The following SLFN12L variants were observed in gnomAD, a reference collection of about 807,000 sequenced individuals.
SLFN12L encodes schlafen family member 12-like.
A neutral mutation model predicts 34.8 loss-of-function variants in SLFN12L; 34 were observed. That is an observed-to-expected ratio of 0.98 (90% CI 0.74 to 1.30). SLFN12L has a LOEUF of 1.30. Among genes scored for constraint, SLFN12L ranks in the 50% most tolerant of loss-of-function variants. SLFN12L has a pLI of 0.00. For missense variants in SLFN12L, 703 were observed against 696.2 expected, an observed-to-expected ratio of 1.01 and a Z score of -0.11; for synonymous variants, 259 against 247.5, an observed-to-expected ratio of 1.05 and a Z score of -0.44.
chr17:35,531,685 C>T (rs558784367), intron 1 of SLFN12L, among the ~76,000 whole-genome samples: 67 of 152,230 alleles, frequency 4.4e-4, no homozygotes, highest in African/African-American at 1.4e-3. Flanking sequence ...GGCGCGATCT[C>T]GGTTCACTGC....
At chr17:35,477,378 A>G (rs1597829283) in intron 4 of SLFN12L, among the ~76,000 whole-genome samples, 1 of 152,328 alleles carries the variant, frequency 6.6e-6, no homozygotes, top group Non-Finnish European at 1.5e-5. Flanking sequence ...AGGATCTCTT[A>G]CACAAGGCAC....
intron 2 of SLFN12L, among the ~76,000 whole-genome samples, chr17:35,513,434 T>C (rs532495336): frequency 3.3e-5 from 5 of 152,218 alleles, no homozygotes; most frequent in Admixed American, 3.3e-4. Context: ...AAATGCCTAG[T>C]ACATAGGAAA....
chr17:35,481,846 GTTGT>G (rs1417416733), intron 2 of SLFN12L, among the ~76,000 whole-genome samples: 1 of 152,046 alleles, frequency 6.6e-6, no homozygotes, highest in Non-Finnish European at 1.5e-5. Flanking sequence ...TGTTTGTTTT[GTTGT>G]TTGTTTTTTG....
chr17:35,512,767 T>C (rs1915695401), intron 2 of SLFN12L, among the ~76,000 whole-genome samples: 2 of 152,250 alleles, frequency 1.3e-5, no homozygotes, highest in African/African-American at 2.4e-5. Context: ...CTTAATCAAC[T>C]GTGAAATGAA....
chr17:35,511,377 C>T (rs544518755), intron 2 of SLFN12L, among the ~76,000 whole-genome samples: 1 of 152,156 alleles, frequency 6.6e-6, no homozygotes, highest in Non-Finnish European at 1.5e-5. Context: ...AATAAACTTA[C>T]TCATGGGTAA....
chr17:35,521,941 G>C (rs1704369195), intron 2 of SLFN12L, among the ~76,000 whole-genome samples: 2 of 152,120 alleles, frequency 1.3e-5, no homozygotes, highest in Admixed American at 1.3e-4. Context: ...ACACAGGAAA[G>C]GGAACATCAC....
At chr17:35,524,133 A>G (rs755444938) in intron 1 of SLFN12L, among the ~76,000 whole-genome samples, 6 of 152,192 alleles carry the variant, frequency 3.9e-5, no homozygotes, top group East Asian at 1.9e-4. Context: ...CCAGGTGTTC[A>G]CACAACTTGA....
chr17:35,489,538 A>G (rs1914746691), intron 2 of SLFN12L, among the ~76,000 whole-genome samples: 1 of 152,126 alleles, frequency 6.6e-6, no homozygotes, highest in South Asian at 2.1e-4. Flanking sequence ...TGAGCGACAG[A>G]GTGAAACCCT....
chr17:35,484,454 A>G (rs1413332388), intron 2 of SLFN12L, among the ~76,000 whole-genome samples: 1 of 152,202 alleles, frequency 6.6e-6, no homozygotes, highest in Non-Finnish European at 1.5e-5. Context: ...AGCACGTTCC[A>G]TGTTCTGGAA....
chr17:35,482,207 G>C (rs1914370247), intron 2 of SLFN12L, among the ~76,000 whole-genome samples: 1 of 152,214 alleles, frequency 6.6e-6, no homozygotes, highest in Non-Finnish European at 1.5e-5. Context: ...GCTCTACCTT[G>C]AATGTTTGCA....
intron 1 of SLFN12L, among the ~76,000 whole-genome samples, chr17:35,524,836 C>A (rs2072318531): frequency 6.6e-6 from 1 of 152,042 alleles, no homozygotes; most frequent in Admixed American, 6.6e-5. Flanking sequence ...AGCAAGGGAA[C>A]AAAACTGGAC....
intron 2 of SLFN12L, among the ~76,000 whole-genome samples, chr17:35,495,621 C>T (rs1429953868): frequency 6.6e-6 from 1 of 152,118 alleles, no homozygotes; most frequent in East Asian, 1.9e-4. Context: ...TTTGGCTCTC[C>T]CCGGGGTGGG....
intron 2 of SLFN12L, among the ~76,000 whole-genome samples, chr17:35,488,514 G>A (rs548266293): frequency 1.3e-5 from 2 of 152,266 alleles, no homozygotes; most frequent in East Asian, 1.9e-4. Context: ...CGTTGCTTTC[G>A]TGGGGCCCTT....
At chr17:35,491,178 CG>C in intron 2 of SLFN12L, 1 of 887,872 alleles carries the variant, frequency 1.1e-6, no homozygotes, top group Non-Finnish European at 1.8e-6. Context: ...AAGGCATCAG[CG>C]ATCTCTTTGA....
chr17:35,487,922 T>G, intron 2 of SLFN12L: 1 of 724,706 alleles, frequency 1.4e-6, no homozygotes, highest in South Asian at 1.5e-5. Flanking sequence ...TGTCTGCGAA[T>G]CCAACGACGG....
chr17:35,537,060 T>G (rs2072469122), intron 1 of SLFN12L, among the ~76,000 whole-genome samples: 1 of 151,950 alleles, frequency 6.6e-6, no homozygotes, highest in African/African-American at 2.4e-5. Flanking sequence ...GTGCCTGTAG[T>G]CCCCGCACTT....
rs980093072 is a variant in SLFN12L at position 35,472,347 on chromosome 17, A to G, written c.*2576T>C. ...AAGGGATCCAGTTTCAGTTTTCTGC[A>G]TATGGCTAGCCAGTTCTCCCAGCAC... is the stretch of plus-strand genomic sequence containing the variant. On this transcript the variant is annotated 3_prime_UTR_variant, in exon 5 of 5. Transcript: ENST00000628453. Among the ~76,000 whole-genome samples the G allele has an allele frequency of 6.6e-6, 1 of 152,254 alleles. No homozygotes were observed. The highest frequency in any genetic ancestry group is 1.5e-5 in the Non-Finnish European group (1 of 68,050).
chr17:35,474,309 T>A lies in SLFN12L; in HGVS notation c.*614A>T, dbSNP rs550471279. Reference sequence around the variant, plus strand: ...ATATTTCCTTTATAGTCAAATGACATCTTGGTATGGCAAAACATGTGTAGG... The same window carrying A: ...ATATTTCCTTTATAGTCAAATGACAACTTGGTATGGCAAAACATGTGTAGG... On this transcript the variant is annotated 3_prime_UTR_variant, in exon 5 of 5. Coordinates refer to ENST00000628453, the MANE Select transcript of SLFN12L (RefSeq NM_001363830.2). 1.3e-5 allele frequency: 2 copies of A among 152,370 alleles called. No homozygotes were observed. Among genetic ancestry groups the A allele is most frequent in the East Asian group, 3.9e-4 (2 of 5,188 alleles). 9.4% of individuals were successfully genotyped at this position (152,370 alleles called of 1,614,324 possible).
At position 35,507,779 on chromosome 17, in the gene SLFN12L, A is replaced by T. The variant is rs576038981; in HGVS notation, c.86+14500T>A. 2.6e-5 allele frequency among the ~76,000 whole-genome samples: 4 copies of T among 152,316 alleles called. No homozygotes were observed. The South Asian group carries it at 8.3e-4, about 32-fold the overall frequency. On this transcript the variant is annotated intron_variant, in intron 2 of 4. Coordinates refer to ENST00000628453, the MANE Select transcript of SLFN12L (RefSeq NM_001363830.2). ...TGATAAAAAGCTTCATCACTACCTTAGTTTACCAAAATGCTTCAGCACAAG... is the reference window on the plus strand; with the variant it reads ...TGATAAAAAGCTTCATCACTACCTTTGTTTACCAAAATGCTTCAGCACAAG...
Sources: gnomAD v4.1 joint callset for allele counts (sites outside exome capture counted in the v4.1 genomes callset) on GRCh38, gnomAD v4.1.1 for gene constraint, MANE v1.5 for transcripts, NCBI Gene and HGNC (gene_info 2026-07-23, HGNC 2026-07-21) for gene names.